Variants in PRELID2 observed in about 807,000 individuals in gnomAD.
PRELID2 encodes PRELI domain containing 2.
A neutral mutation model predicts 28.4 loss-of-function variants in PRELID2; 25 were observed. That is an observed-to-expected ratio of 0.88 (90% CI 0.64 to 1.23). The LOEUF (loss-of-function observed/expected upper bound fraction) is 1.23, where lower values mean the gene tolerates loss of function less well. Among genes scored for constraint, PRELID2 ranks in the 50% most tolerant of loss-of-function variants. The pLI, the probability that PRELID2 is intolerant of heterozygous loss-of-function variation, is 0.00. For missense variants in PRELID2, 201 were observed against 214.4 expected, an observed-to-expected ratio of 0.94 and a Z score of 0.39; for synonymous variants, 76 against 71.6, an observed-to-expected ratio of 1.06 and a Z score of -0.31.
At chr5:145,804,730 C>CTAT (rs767791416) in intron 4 of PRELID2, among the ~76,000 whole-genome samples, 8 of 152,144 alleles carry the variant, frequency 5.3e-5, no homozygotes, top group Non-Finnish European at 1.0e-4. Flanking sequence ...GACAGGGCCA[C>CTAT]TATTAACACA....
intron 1 of PRELID2, among the ~76,000 whole-genome samples, chr5:145,608,574 A>G (rs1327888007): frequency 6.6e-6 from 1 of 152,082 alleles, no homozygotes; most frequent in Non-Finnish European, 1.5e-5. Flanking sequence ...TAGGCCCCCA[A>G]TCTTCCAATT....
At chr5:145,431,545 A>G in the PRELID2 span, among the ~76,000 whole-genome samples, 1 of 152,226 alleles carries the variant, frequency 6.6e-6, no homozygotes, top group African/African-American at 2.4e-5. Context: ...CATCATCATC[A>G]GTAAAGGGAC....
chr5:145,525,438 T>C (rs530635495), intron 1 of PRELID2, among the ~76,000 whole-genome samples: 2 of 151,964 alleles, frequency 1.3e-5, no homozygotes, highest in Non-Finnish European at 1.5e-5. Flanking sequence ...TAATATGGAG[T>C]TGAGGGTTTT....
At chr5:145,290,461 G>T in the PRELID2 span, among the ~76,000 whole-genome samples, 1 of 152,056 alleles carries the variant, frequency 6.6e-6, no homozygotes, top group African/African-American at 2.4e-5. Context: ...GGACGTGGAT[G>T]AAGCTGGAAA....
chr5:145,383,066 T>C, the PRELID2 span, among the ~76,000 whole-genome samples: 2 of 151,624 alleles, frequency 1.3e-5, no homozygotes, highest in Non-Finnish European at 3.0e-5. Flanking sequence ...GATTGATCTG[T>C]AGACTCAATG....
the PRELID2 span, among the ~76,000 whole-genome samples, chr5:145,422,701 T>A: frequency 6.6e-6 from 1 of 152,266 alleles, no homozygotes; most frequent in Non-Finnish European, 1.5e-5. Flanking sequence ...TTTGCCAGTG[T>A]GTGTCTTTTA....
intron 5 of PRELID2, among the ~76,000 whole-genome samples, chr5:145,767,192 G>C (rs980004360): frequency 6.7e-6 from 1 of 149,106 alleles, no homozygotes; most frequent in Non-Finnish European, 1.5e-5. Flanking sequence ...AGCAGCAGAG[G>C]AGAGAGGAGA....
chr5:145,493,144 A>G (rs1752281971), intron 1 of PRELID2, among the ~76,000 whole-genome samples: 1 of 107,660 alleles, frequency 9.3e-6, no homozygotes, highest in Non-Finnish European at 2.3e-5. Context: ...AGGTATTTTC[A>G]TATGTGGGTA....
Position 145,476,473 on chromosome 5 carries a change from T to C in PRELID2, n.71-3158A>G, listed in dbSNP as rs188738813. ...CAGCCTGGCCAACAGGGTGAAACTCTATCTCTACTAAACATACAAAAATTA... is the reference window on the plus strand; with the variant it reads ...CAGCCTGGCCAACAGGGTGAAACTCCATCTCTACTAAACATACAAAAATTA... On this transcript the variant is annotated intron_variant and non_coding_transcript_variant, in intron 1 of 2. Coordinates refer to the PRELID2 transcript ENST00000510259. Among the ~76,000 whole-genome samples, 733 of 152,188 alleles carry C rather than the reference T, an allele frequency of 4.8e-3. 7 individuals carry two copies. Among genetic ancestry groups the C allele is most frequent in the Non-Finnish European group, 8.2e-3 (559 of 68,000 alleles).
At chr5:145,619,065 G>A (rs925520837) in intron 1 of PRELID2, among the ~76,000 whole-genome samples, 1 of 152,086 alleles carries the variant, frequency 6.6e-6, no homozygotes, top group African/African-American at 2.4e-5. Flanking sequence ...CTGTTTCCAG[G>A]CAGTGGGCAA....
chr5:145,434,885 G>T, the PRELID2 span, among the ~76,000 whole-genome samples: 1 of 152,164 alleles, frequency 6.6e-6, no homozygotes, highest in African/African-American at 2.4e-5. Context: ...TAGATGAGAG[G>T]TGTATGCAGT....
the PRELID2 span, among the ~76,000 whole-genome samples, chr5:145,356,153 T>C: frequency 1.3e-5 from 2 of 152,126 alleles, no homozygotes; most frequent in East Asian, 3.9e-4. Flanking sequence ...CAGAAATACT[T>C]ATGTGATTTA....
chr5:145,741,999 A>C, intron 1 of PRELID2, among the ~76,000 whole-genome samples: 1 of 36,394 alleles, frequency 2.7e-5, no homozygotes, highest in South Asian at 7.2e-4. Flanking sequence ...ATTTATTATA[A>C]ATAATAAATT....
chr5:145,440,991 A>T, the PRELID2 span: 2 of 152,070 alleles, frequency 1.3e-5, no homozygotes, highest in African/African-American at 2.4e-5. Flanking sequence ...TTATCTATTC[A>T]TGAGCACCTT....
At chr5:145,244,399 G>A in the PRELID2 span, among the ~76,000 whole-genome samples, 22 of 152,154 alleles carry the variant, frequency 1.4e-4, no homozygotes, top group Admixed American at 6.6e-4. Flanking sequence ...AGTGCCTGGC[G>A]GGTGGCAGGT....
chr5:145,669,155 G>T (rs10515556), intron 1 of PRELID2, among the ~76,000 whole-genome samples: 1 of 152,006 alleles, frequency 6.6e-6, no homozygotes, highest in Non-Finnish European at 1.5e-5. Context: ...TAATTGGGCC[G>T]CATGGAGGCA....
intron 1 of PRELID2, among the ~76,000 whole-genome samples, chr5:145,746,541 T>C (rs1471230556): frequency 6.6e-6 from 1 of 152,094 alleles, no homozygotes; most frequent in Non-Finnish European, 1.5e-5. Flanking sequence ...AACAAGTTAT[T>C]AGAGACCTAC....
chr5:145,735,257 A>AAT (rs1554087262), intron 1 of PRELID2, among the ~76,000 whole-genome samples: 2 of 152,034 alleles, frequency 1.3e-5, no homozygotes, highest in Non-Finnish European at 2.9e-5. Flanking sequence ...AAAAAAAAAA[A>AAT]AAAAGCTACA....
intron 1 of PRELID2, among the ~76,000 whole-genome samples, chr5:145,509,467 A>G (rs774705595): frequency 6.6e-6 from 1 of 152,186 alleles, no homozygotes; most frequent in Non-Finnish European, 1.5e-5. Context: ...GCTGCCCTGC[A>G]CAACAGCAGA....
Sources: allele counts gnomAD v4.1 joint callset (sites outside exome capture counted in the v4.1 genomes callset), GRCh38; gene constraint gnomAD v4.1.1; transcripts MANE v1.5; gene names NCBI Gene and HGNC (gene_info 2026-07-23, HGNC 2026-07-21).